The following RNF166 variants were observed in gnomAD, a reference collection of about 807,000 sequenced individuals.
RNF166 encodes E3 ubiquitin-protein ligase RNF166.
RNF166 carries 19 observed loss-of-function variants against 29.4 expected under a neutral mutation model. The observed-to-expected ratio is 0.65, with a 90% CI of 0.45 to 0.95. The LOEUF (loss-of-function observed/expected upper bound fraction) is 0.95, where lower values mean the gene tolerates loss of function less well. Ranked by LOEUF, RNF166 falls within the 40% of genes least tolerant of loss-of-function variation. The pLI is 0.00. For synonymous variants in RNF166, 171 were observed against 134.5 expected (o/e 1.27, Z -1.88); for missense variants, 347 against 322.1 (o/e 1.08, Z -0.59).
chr16:88,704,356 T>C (rs1275516205), intron 1 of RNF166: 2 of 985,310 alleles, frequency 2.0e-6, no homozygotes, highest in South Asian at 4.7e-5. Flanking sequence ...GAAAAGCTCT[T>C]GCAGGACCCG....
chr16:88,703,820 G>A (rs1910508160), intron 1 of RNF166: 2 of 985,444 alleles, frequency 2.0e-6, no homozygotes, highest in Non-Finnish European at 2.4e-6. Flanking sequence ...CGCTGCACAA[G>A]CTGAGAAGCT....
At chr16:88,702,977 G>A (rs755459422) in intron 1 of RNF166, 31 of 985,484 alleles carry the variant, frequency 3.1e-5, no homozygotes, top group African/African-American at 5.2e-5. Flanking sequence ...TCAGGTGCCC[G>A]TCGGTAAACG....
intron 1 of RNF166, chr16:88,704,644 A>G (rs1173227222): frequency 3.9e-6 from 3 of 761,700 alleles, no homozygotes; most frequent in African/African-American, 1.9e-5. Flanking sequence ...AGCGCTCAGT[A>G]ACAGATGAGA....
chr16:88,701,916 AAGCT>A (rs1910279838), intron 1 of RNF166, among the ~76,000 whole-genome samples: 1 of 152,218 alleles, frequency 6.6e-6, no homozygotes, highest in Non-Finnish European at 1.5e-5. Flanking sequence ...GGAAGGGCCA[AAGCT>A]AGCCAAGTGG....
intron 2 of RNF166, chr16:88,700,010 C>T (rs1910052504): frequency 3.8e-6 from 1 of 262,190 alleles, no homozygotes; most frequent in Non-Finnish European, 7.2e-6. Context: ...ATCTCTGGCG[C>T]CTGCAGGAGT....
At chr16:88,701,227 A>AC in intron 2 of RNF166, 35 bp downstream of exon 2, 1 of 1,612,482 alleles carries the variant, frequency 6.2e-7, no homozygotes, top group Non-Finnish European at 8.5e-7. Flanking sequence ...CCATCAAGTG[A>AC]CCCCGGCTCC....
At position 88,696,864 on chromosome 16, in the gene RNF166, C is replaced by T. The variant is rs2142962490; in HGVS notation, c.*704G>A. On this transcript the variant is annotated 3_prime_UTR_variant, in exon 6 of 6. Transcript: ENST00000312838. ...CAGTGGGTGGCCAGGGCAGACCCCA[C>T]AGCAGACCCCATGGCTCGCCTGAGC... is the stretch of plus-strand genomic sequence containing the variant. The T allele has an allele frequency of 3.4e-6, 1 of 291,430 alleles. No homozygotes were observed. Among genetic ancestry groups the T allele is most frequent in the African/African-American group, 2.3e-5 (1 of 43,988 alleles). The allele number at this position is 291,430 out of a possible 1,614,324, so 18.1% of individuals were successfully genotyped here.
At chr16:88,704,567 G>A (rs1039527376) in intron 1 of RNF166, 10 of 985,300 alleles carry the variant, frequency 1.0e-5, no homozygotes, top group East Asian at 1.1e-4. Flanking sequence ...CCGACCACAC[G>A]GTGAAGGTGT....
chr16:88,701,672 G>C (rs1029443892), intron 1 of RNF166: 3 of 462,860 alleles, frequency 6.5e-6, no homozygotes, highest in Admixed American at 3.9e-5. Flanking sequence ...CGGCAGAGCC[G>C]TCACTATGGC....
Position 88,706,184 on chromosome 16 carries a change from T to G in RNF166, c.142A>C (p.Ser48Arg). ...EVYHRPVAIG[S>R]CGHTFCGECL... is the part of the protein sequence containing the mutation. ...GGGCGCGCTCACGTGTGGCCGCAGCTGCCGATGGCCACGGGCCGGTGATAG... is the reference window on the plus strand; with the variant it reads ...GGGCGCGCTCACGTGTGGCCGCAGCGGCCGATGGCCACGGGCCGGTGATAG... The change falls in exon 1 of 6, where the codon AGC becomes CGC. Residue 48 changes from serine (S) to arginine (R), a missense_variant. By Grantham distance (110) the Ser-to-Arg change is moderately radical. Coordinates refer to ENST00000312838, the MANE Select transcript of RNF166 (RefSeq NM_178841.4). 7.0e-6 allele frequency: 9 copies of G among 1,278,044 alleles called. No homozygotes were observed. The highest frequency in any genetic ancestry group is 8.9e-6 in the Non-Finnish European group (9 of 1,007,282). The allele number at this position is 1,278,044 out of a possible 1,614,324, so 79.2% of individuals were successfully genotyped here.
intron 4 of RNF166, 53 bp downstream of exon 4, chr16:88,698,918 T>C: frequency 7.4e-7 from 1 of 1,352,742 alleles, no homozygotes; most frequent in East Asian, 2.5e-5. Context: ...CCTTGTACTG[T>C]CCCCCACAGG....
At chr16:88,700,236 C>T (rs978344529) in intron 2 of RNF166, among the ~76,000 whole-genome samples, 1 of 152,172 alleles carries the variant, frequency 6.6e-6, no homozygotes, top group African/African-American at 2.4e-5. Context: ...GCTCGGCACC[C>T]AGCTCTGCCT....
Position 88,696,603 on chromosome 16 carries a change from G to A in RNF166, c.*965C>T, listed in dbSNP as rs1909660421. ...GTTGACGTGTTGCCCGGCCCGCCAA[G>A]CGGGCCCCTGCCCAGGCCCCCAAGC... On this transcript the variant is annotated 3_prime_UTR_variant, in exon 6 of 6. Coordinates refer to ENST00000312838, the MANE Select transcript of RNF166 (RefSeq NM_178841.4). The A allele has an allele frequency of 2.2e-6, 1 of 454,376 alleles. No individual in the cohort carries two copies. Among genetic ancestry groups the A allele is most frequent in the African/African-American group, 2.0e-5 (1 of 49,858 alleles). 28.1% of individuals were successfully genotyped at this position (454,376 alleles called of 1,614,324 possible). A position where few individuals can be genotyped will look rare whatever the true frequency, so the allele number is the denominator to read the frequency against.
At chr16:88,700,227 C>G (rs780582235) in intron 2 of RNF166, among the ~76,000 whole-genome samples, 1 of 152,116 alleles carries the variant, frequency 6.6e-6, no homozygotes, top group Non-Finnish European at 1.5e-5. Context: ...TGGACTCAAG[C>G]TCGGCACCCA....
At position 88,698,743 on chromosome 16, in the gene RNF166, T is replaced by C. The variant is rs543850003; in HGVS notation, c.541-134A>G. On this transcript the variant is annotated intron_variant, in intron 4 of 5. Coordinates refer to ENST00000312838, the MANE Select transcript of RNF166 (RefSeq NM_178841.4). ...AAGGCACCCCAGACCTGGAGGCGCGTGTCCCGGTGACAAGCGAGTTATTCA... is the reference window on the plus strand; with the variant it reads ...AAGGCACCCCAGACCTGGAGGCGCGCGTCCCGGTGACAAGCGAGTTATTCA... The C allele has an allele frequency of 5.7e-6, 4 of 696,308 alleles. No individual in the cohort carries two copies. In the Admixed American group the frequency reaches 8.4e-5, roughly 15 times the overall value. 43.1% of individuals were successfully genotyped at this position (696,308 alleles called of 1,614,324 possible). A position where few individuals can be genotyped will look rare whatever the true frequency, so the allele number is the denominator to read the frequency against.
chr16:88,697,576 CAG>C lies in RNF166; in HGVS notation c.704_705del (p.Ser235Ter). On this transcript the variant is annotated frameshift_variant, in exon 6 of 6. Transcript: ENST00000312838. LOFTEE classifies it high-confidence loss of function. ...GGTGGCTGCGCTTCCCTTCAGTTCTCAGAGAGAGACAGGGCCAGAGCAGCCTG... is the reference window on the plus strand; with the variant it reads ...GGTGGCTGCGCTTCCCTTCAGTTCTCAGAGAGACAGGGCCAGAGCAGCCTG... ...AFQAALALSL[S>X]EN 2 of 1,549,808 alleles carry C rather than the reference CAG, an allele frequency of 1.3e-6. No individual in the cohort carries two copies. The highest frequency in any genetic ancestry group is 1.7e-6 in the Non-Finnish European group (2 of 1,146,560).
chr16:88,703,295 C>T (rs1458448878), intron 1 of RNF166: 12 of 985,104 alleles, frequency 1.2e-5, no homozygotes, highest in East Asian at 2.3e-4. Flanking sequence ...CTGGATGGTG[C>T]ACCTCCTGAG....
rs895103369 is a variant in RNF166 at position 88,697,081 on chromosome 16, C to T, written c.*487G>A. The stretch of plus-strand genomic sequence containing the variant: ...TATAAAACGTGAAAAGATTATCACA[C>T]TGGATAATATAGAAAAGATGCCAGG... On this transcript the variant is annotated 3_prime_UTR_variant, in exon 6 of 6. Transcript: ENST00000312838. 1 of 172,896 alleles carries T rather than the reference C, an allele frequency of 5.8e-6. No individual in the cohort carries two copies. Among genetic ancestry groups the T allele is most frequent in the East Asian group, 1.8e-4 (1 of 5,534 alleles). The allele number at this position is 172,896 out of a possible 1,614,324, so 10.7% of individuals were successfully genotyped here.
chr16:88,701,476 C>A (rs1335948385), intron 1 of RNF166, 58 bp from the exon 2 acceptor site: 1 of 1,475,570 alleles, frequency 6.8e-7, no homozygotes, highest in Non-Finnish European at 9.0e-7. Flanking sequence ...GAACCGCAGG[C>A]CTTGCTCGGG....
Sources: gnomAD v4.1 joint callset for allele counts (sites outside exome capture counted in the v4.1 genomes callset) on GRCh38, gnomAD v4.1.1 for gene constraint, MANE v1.5 for transcripts, NCBI Gene and HGNC (gene_info 2026-07-23, HGNC 2026-07-21) for gene names.